Variants in GRK5 observed in about 807,000 individuals in gnomAD.
GRK5 encodes G protein-coupled receptor kinase 5.
A neutral mutation model predicts 78.4 loss-of-function variants in GRK5; 40 were observed. That is an observed-to-expected ratio of 0.51 (90% CI 0.40 to 0.66). The LOEUF is 0.66. GRK5 is among the 30% of genes least tolerant of loss of function. The pLI, the probability that GRK5 is intolerant of heterozygous loss-of-function variation, is 0.00. For missense variants in GRK5, 598 were observed against 759.9 expected (o/e 0.79, Z 2.50); for synonymous variants, 289 against 296.8 (o/e 0.97, Z 0.27).
intron 9 of GRK5, among the ~76,000 whole-genome samples, chr10:119,439,257 G>T (rs1109674): frequency 2.6e-5 from 4 of 152,120 alleles, no homozygotes; most frequent in Non-Finnish European, 4.4e-5. Flanking sequence ...GCTGGTGTTG[G>T]GGGATATGCC....
At chr10:119,260,857 TC>T (rs1393243298) in intron 1 of GRK5, among the ~76,000 whole-genome samples, 1 of 151,708 alleles carries the variant, frequency 6.6e-6, no homozygotes, top group African/African-American at 2.4e-5. Flanking sequence ...TCCCCACCTT[TC>T]CCCGCTTTCT....
At chr10:119,286,194 A>C (rs557884331) in intron 1 of GRK5, among the ~76,000 whole-genome samples, 2 of 151,678 alleles carry the variant, frequency 1.3e-5, no homozygotes, top group Admixed American at 1.3e-4. Context: ...AATAGAGAGG[A>C]TAGTGTAATG....
chr10:119,286,683 G>A (rs1348457621), intron 1 of GRK5, among the ~76,000 whole-genome samples: 2 of 152,222 alleles, frequency 1.3e-5, no homozygotes, highest in East Asian at 1.9e-4. Context: ...CGGTCAGCCC[G>A]CCTCCCCTGT....
intron 1 of GRK5, among the ~76,000 whole-genome samples, chr10:119,312,484 A>G (rs1320627530): frequency 6.6e-6 from 1 of 152,162 alleles, no homozygotes; most frequent in Non-Finnish European, 1.5e-5. Flanking sequence ...GTTTTTGTAA[A>G]TGAAGTTTTA....
chr10:119,208,042 G>A, intron 1 of GRK5, 73 bp downstream of exon 1: 1 of 1,443,052 alleles, frequency 6.9e-7, no homozygotes, highest in Admixed American at 2.0e-5. Flanking sequence ...TGGCGTGCGG[G>A]CTGGGGCTGC....
intron 3 of GRK5, among the ~76,000 whole-genome samples, chr10:119,387,002 G>A (rs534562556): frequency 9.2e-5 from 14 of 152,024 alleles, no homozygotes; most frequent in African/African-American, 3.1e-4. Context: ...CTCCTGCACA[G>A]TATTTTTTTT....
rs571659660 is a variant in GRK5 at position 119,449,646 on chromosome 10, A to G, written c.1404+1386A>G. On this transcript the variant is annotated intron_variant, in intron 13 of 15. Coordinates refer to ENST00000392870, the MANE Select transcript of GRK5 (RefSeq NM_005308.3). ...TCTCTACTAAAATACAAAATTAACC[A>G]GGCTTGGGGGCACACACCTATAATC... Among the ~76,000 whole-genome samples the G allele has an allele frequency of 3.7e-4, 56 of 152,132 alleles. No homozygotes were observed. In the South Asian group the frequency reaches 6.2e-3, roughly 17 times the overall value.
At chr10:119,295,781 C>T (rs990884296) in intron 1 of GRK5, among the ~76,000 whole-genome samples, 9 of 151,286 alleles carry the variant, frequency 5.9e-5, no homozygotes, top group South Asian at 2.1e-4. Flanking sequence ...AAGAATGATA[C>T]GATGGACTTC....
chr10:119,229,404 C>G (rs1848790374), intron 1 of GRK5, among the ~76,000 whole-genome samples: 1 of 152,206 alleles, frequency 6.6e-6, no homozygotes, highest in Admixed American at 6.5e-5. Context: ...GATACTCTGT[C>G]TGTAATCCTT....
intron 2 of GRK5, among the ~76,000 whole-genome samples, chr10:119,367,866 C>T (rs192341247): frequency 2.0e-5 from 3 of 152,254 alleles, no homozygotes; most frequent in African/African-American, 7.2e-5. Flanking sequence ...GTTGCCTCCA[C>T]CTTCCGAGGC....
intron 4 of GRK5, among the ~76,000 whole-genome samples, chr10:119,410,187 A>G (rs1045458499): frequency 6.6e-6 from 1 of 152,224 alleles, no homozygotes; most frequent in Non-Finnish European, 1.5e-5. Context: ...TTTGTTAATT[A>G]TCGTCTTTTG....
intron 2 of GRK5, among the ~76,000 whole-genome samples, chr10:119,354,475 C>T (rs1189533034): frequency 3.5e-5 from 5 of 144,038 alleles, no homozygotes; most frequent in Non-Finnish European, 7.5e-5. Flanking sequence ...AATCATGCCT[C>T]ACTGCAGCCT....
chr10:119,232,965 A>G (rs1589692467), intron 1 of GRK5, among the ~76,000 whole-genome samples: 1 of 152,242 alleles, frequency 6.6e-6, no homozygotes, highest in East Asian at 1.9e-4. Context: ...GTGTCAGCTA[A>G]AAGATAAAAA....
intron 1 of GRK5, among the ~76,000 whole-genome samples, chr10:119,230,458 C>T (rs113696754): frequency 1.6e-3 from 241 of 152,234 alleles, no homozygotes; most frequent in African/African-American, 5.4e-3. Flanking sequence ...AGCAAAGTCA[C>T]GCCTTAGGAT....
At chr10:119,303,575 T>G (rs557237463) in intron 1 of GRK5, among the ~76,000 whole-genome samples, 6 of 152,252 alleles carry the variant, frequency 3.9e-5, no homozygotes, top group African/African-American at 1.4e-4. Context: ...CGGGAGGCAT[T>G]TGGACTTGAT....
rs749436660 is a variant in GRK5, at chr10:119,454,992, G to A, written c.1698G>A (p.Ser566=). Residue 566 remains serine, a synonymous_variant, in exon 16 of 16, where the codon TCG becomes TCA. Transcript: ENST00000392870. ...KRQHQNNSKS[S]PSSKTSFNHH... is the part of the protein sequence containing the mutation. Reference sequence around the variant, plus strand: ...AGCATCAGAACAATTCCAAGAGTTCGCCCAGCTCCAAGACCAGTTTTAACC... The same window carrying A: ...AGCATCAGAACAATTCCAAGAGTTCACCCAGCTCCAAGACCAGTTTTAACC... 8.7e-6 allele frequency: 14 copies of A among 1,613,596 alleles called. No homozygotes were observed. The highest frequency in any genetic ancestry group is 1.7e-4 in the Middle Eastern group (1 of 6,014).
At position 119,454,595 on chromosome 10, in the gene GRK5, C is replaced by G. The variant is rs949810916; in HGVS notation, c.1675-374C>G. 2.0e-5 allele frequency among the ~76,000 whole-genome samples: 3 copies of G among 152,188 alleles called. No homozygotes were observed. In the South Asian group the frequency reaches 6.2e-4, roughly 32 times the overall value. ...ATTGTATCCTCCCAGCCACCCTGTGCGGAAGCTGCTCTTCTCCCGTGTTAC... is the reference window on the plus strand; with the variant it reads ...ATTGTATCCTCCCAGCCACCCTGTGGGGAAGCTGCTCTTCTCCCGTGTTAC... On this transcript the variant is annotated intron_variant, in intron 15 of 15. Transcript: ENST00000392870.
At chr10:119,368,520 C>T (rs770045366) in intron 2 of GRK5, among the ~76,000 whole-genome samples, 1 of 152,172 alleles carries the variant, frequency 6.6e-6, no homozygotes, top group South Asian at 2.1e-4. Context: ...GTGAAGCTAC[C>T]GAAATGGGAG....
At chr10:119,318,819 C>G (rs1850535192) in intron 1 of GRK5, among the ~76,000 whole-genome samples, 1 of 152,182 alleles carries the variant, frequency 6.6e-6, no homozygotes, top group African/African-American at 2.4e-5. Context: ...ACAAACACCA[C>G]TCTCAGAAAC....
Sources: gnomAD v4.1 joint callset for allele counts (sites outside exome capture counted in the v4.1 genomes callset) on GRCh38, gnomAD v4.1.1 for gene constraint, MANE v1.5 for transcripts, NCBI Gene and HGNC (gene_info 2026-07-23, HGNC 2026-07-21) for gene names.